The following MYO1D variants were observed in gnomAD, a reference collection of about 807,000 sequenced individuals.
MYO1D encodes myosin ID.
Under a neutral mutation model 122.0 loss-of-function variants are expected in MYO1D, and 83 were observed. That is an observed-to-expected ratio of 0.68 (90% CI 0.57 to 0.82). The LOEUF is 0.82. Ranked by LOEUF, MYO1D falls within the 40% of genes least tolerant of loss-of-function variation. The pLI is 0.00. For synonymous variants in MYO1D, 464 were observed against 446.9 expected, an observed-to-expected ratio of 1.04 and a Z score of -0.48; for missense variants, 1,157 against 1,269.5, an observed-to-expected ratio of 0.91 and a Z score of 1.35.
chr17:32,498,756 A>G (rs919243378), intron 21 of MYO1D: 5 of 152,256 alleles, frequency 3.3e-5, no homozygotes, highest in Admixed American at 6.5e-5. Flanking sequence ...TCCAAAAGAG[A>G]TGGTTCAAGA....
At chr17:32,595,513 A>C (rs956833909) in intron 21 of MYO1D, among the ~76,000 whole-genome samples, 1 of 152,146 alleles carries the variant, frequency 6.6e-6, no homozygotes, top group African/African-American at 2.4e-5. Context: ...AGGGAAGGAA[A>C]CTATCAGAAG....
chr17:32,522,081 CAAAAAAAAAAAAAAA>C (rs35096680), intron 21 of MYO1D, among the ~76,000 whole-genome samples: 28 of 63,250 alleles, frequency 4.4e-4, no homozygotes, highest in Middle Eastern at 0.036. Flanking sequence ...GACTCTGTCT[CAAAAAAAAAAAAAAA>C]AAAAAAAAAA....
chr17:32,495,360 C>T (rs1389616136), intron 21 of MYO1D, among the ~76,000 whole-genome samples: 1 of 152,244 alleles, frequency 6.6e-6, no homozygotes, highest in Non-Finnish European at 1.5e-5. Flanking sequence ...CCTGTCACAC[C>T]CCGGCTGGTG....
intron 1 of MYO1D, among the ~76,000 whole-genome samples, chr17:32,846,435 C>T (rs1285614743): frequency 1.3e-5 from 2 of 152,110 alleles, no homozygotes; most frequent in Non-Finnish European, 2.9e-5. Context: ...TTTCTATTAG[C>T]TTTATTAATA....
chr17:32,614,069 T>A (rs2087739988), intron 20 of MYO1D, among the ~76,000 whole-genome samples: 1 of 132,114 alleles, frequency 7.6e-6, no homozygotes, highest in Non-Finnish European at 1.6e-5. Context: ...TAATAATGTT[T>A]TAATTTTTTT....
rs35583086 is a variant in MYO1D at position 32,781,734 on chromosome 17, C to CAA, written c.96-952_96-951dup. Among the ~76,000 whole-genome samples, 810 of 108,318 alleles carry CAA rather than the reference C, an allele frequency of 7.5e-3. 13 individuals are homozygous for CAA. The highest frequency in any genetic ancestry group is 0.018 in the African/African-American group (535 of 29,124). The allele number at this position is 108,318 out of a possible 152,430, so 71.1% of individuals were successfully genotyped here. A position where few individuals can be genotyped will look rare whatever the true frequency, so the allele number is the denominator to read the frequency against. On this transcript the variant is annotated intron_variant, in intron 1 of 21. Transcript: ENST00000318217. ...GGGCAGGTGAGAAGAGGCCACAGGACAAAAAAAAAAAAAAAAATACAAAGC... is the reference window on the plus strand; with the variant it reads ...GGGCAGGTGAGAAGAGGCCACAGGACAAAAAAAAAAAAAAAAAAATACAAAGC...
intron 21 of MYO1D, among the ~76,000 whole-genome samples, chr17:32,561,516 C>T (rs1255656980): frequency 6.6e-6 from 1 of 151,548 alleles, no homozygotes; most frequent in South Asian, 2.1e-4. Context: ...GGTGAAACCT[C>T]GTCTCTACTA....
intron 21 of MYO1D, among the ~76,000 whole-genome samples, chr17:32,522,043 T>C (rs1378084885): frequency 1.5e-5 from 2 of 129,248 alleles, no homozygotes; most frequent in Non-Finnish European, 3.1e-5. Context: ...GATCATGCCA[T>C]TGCACTCCAG....
At chr17:32,596,240 T>C (rs1207171571) in intron 21 of MYO1D, among the ~76,000 whole-genome samples, 1 of 152,196 alleles carries the variant, frequency 6.6e-6, no homozygotes, top group Admixed American at 6.5e-5. Flanking sequence ...ACTATTAAAA[T>C]GAGTGGCCAG....
intron 14 of MYO1D, among the ~76,000 whole-genome samples, chr17:32,724,006 TA>T (rs942822366): frequency 2.0e-5 from 3 of 152,306 alleles, no homozygotes; most frequent in African/African-American, 7.2e-5. Context: ...AAACGTTCAC[TA>T]AATCTGTAAT....
At chr17:32,653,538 G>A (rs1348176558) in intron 19 of MYO1D, among the ~76,000 whole-genome samples, 1 of 150,932 alleles carries the variant, frequency 6.6e-6, no homozygotes, top group Admixed American at 6.6e-5. Flanking sequence ...CCTGGGAAGC[G>A]GAGGTTGCAG....
chr17:32,692,273 C>T (rs376213662), intron 16 of MYO1D, among the ~76,000 whole-genome samples: 8 of 152,252 alleles, frequency 5.3e-5, no homozygotes, highest in African/African-American at 1.9e-4. Flanking sequence ...ATTTTTGATA[C>T]ACTTAGATCT....
intron 17 of MYO1D, among the ~76,000 whole-genome samples, chr17:32,654,865 A>G (rs1194880696): frequency 1.3e-5 from 2 of 151,962 alleles, no homozygotes; most frequent in African/African-American, 4.8e-5. Context: ...TTTATAAGAG[A>G]TGGGGTTTCA....
At chr17:32,850,414 C>T (rs1156561510) in intron 1 of MYO1D, among the ~76,000 whole-genome samples, 1 of 152,190 alleles carries the variant, frequency 6.6e-6, no homozygotes, top group East Asian at 1.9e-4. Context: ...TACTCTTTCA[C>T]CATGGGTACA....
intron 21 of MYO1D, among the ~76,000 whole-genome samples, chr17:32,601,098 A>G (rs1034651041): frequency 6.6e-6 from 1 of 151,932 alleles, no homozygotes; most frequent in African/African-American, 2.4e-5. Flanking sequence ...ATGCTTGACT[A>G]ACTTTTAAAT....
Position 32,493,487 on chromosome 17 carries a change from T to C in MYO1D, c.*1272A>G, listed in dbSNP as rs915776354. On this transcript the variant is annotated 3_prime_UTR_variant, in exon 22 of 22. Coordinates refer to ENST00000318217, the MANE Select transcript of MYO1D (RefSeq NM_015194.3). ...ACCTCTGCCCACTCCACCTGAGGCGTTGGCTCCCTCCCCCTCATCCTCTCA... is the reference window on the plus strand; with the variant it reads ...ACCTCTGCCCACTCCACCTGAGGCGCTGGCTCCCTCCCCCTCATCCTCTCA... 6.6e-6 allele frequency: 1 copy of C among 152,386 alleles called. No homozygotes were observed. Among genetic ancestry groups the C allele is most frequent in the Non-Finnish European group, 1.5e-5 (1 of 68,188 alleles). 9.4% of individuals were successfully genotyped at this position (152,386 alleles called of 1,614,324 possible).
At chr17:32,749,030 T>C in intron 11 of MYO1D, 24 bp from the exon 12 acceptor site, 1 of 1,589,548 alleles carries the variant, frequency 6.3e-7, no homozygotes, top group South Asian at 1.1e-5. Flanking sequence ...AAGGATATTA[T>C]TTTGAAAACA....
At chr17:32,860,167 G>A (rs1196506275) in intron 1 of MYO1D, among the ~76,000 whole-genome samples, 2 of 152,116 alleles carry the variant, frequency 1.3e-5, no homozygotes, top group Non-Finnish European at 2.9e-5. Context: ...ACCAGCTGAG[G>A]ATGAAACCAG....
intron 21 of MYO1D, among the ~76,000 whole-genome samples, chr17:32,593,590 A>G (rs144996100): frequency 2.1e-3 from 324 of 152,336 alleles, no homozygotes; most frequent in Non-Finnish European, 3.7e-3. Context: ...TGTGTTTAAT[A>G]CATACTTTAT....
Sources: gnomAD v4.1 joint callset for allele counts (sites outside exome capture counted in the v4.1 genomes callset) on GRCh38, gnomAD v4.1.1 for gene constraint, MANE v1.5 for transcripts, NCBI Gene and HGNC (gene_info 2026-07-23, HGNC 2026-07-21) for gene names.